Variants in OR14I1 observed in about 807,000 individuals in gnomAD.
OR14I1 encodes olfactory receptor 14I1.
For synonymous variants in OR14I1, 118 were observed against 71.1 expected (o/e 1.66, Z -3.32); for missense variants, 279 against 181.8 (o/e 1.53, Z -3.07).
At chr1:248,678,329 C>G (rs1156955348), downstream of OR14I1, among the ~76,000 whole-genome samples, 1 of 152,136 alleles carries the variant, frequency 6.6e-6, no homozygotes, top group Non-Finnish European at 1.5e-5. Flanking sequence ...ACTTTTATTT[C>G]AAAGACTCAT....
At chr1:248,691,724 G>A in the OR14I1 span, 1 of 152,352 alleles carries the variant, frequency 6.6e-6, no homozygotes, top group Admixed American at 6.5e-5. Flanking sequence ...AAGGGACTGT[G>A]GAGGCCGACG....
At chr1:248,680,617 A>G (rs1476710881), downstream of OR14I1, among the ~76,000 whole-genome samples, 1 of 152,222 alleles carries the variant, frequency 6.6e-6, no homozygotes, top group Non-Finnish European at 1.5e-5. Flanking sequence ...AATCACCAGC[A>G]GTGACCAAGA....
upstream of OR14I1, among the ~76,000 whole-genome samples, chr1:248,686,334 C>G (rs1661649978): frequency 6.6e-6 from 1 of 152,172 alleles, no homozygotes; most frequent in South Asian, 2.1e-4. Flanking sequence ...TGCTGCCCCA[C>G]CTCTGAGAGC....
chr1:248,679,261 T>TA (rs1661521178), downstream of OR14I1, among the ~76,000 whole-genome samples: 1 of 152,128 alleles, frequency 6.6e-6, no homozygotes, highest in Admixed American at 6.6e-5. Context: ...TCTGAATACT[T>TA]AAAGTTCAAC....
chr1:248,697,152 A>G, the OR14I1 span: 1 of 152,244 alleles, frequency 6.6e-6, no homozygotes, highest in East Asian at 1.9e-4. Context: ...CAGAACTCAA[A>G]TGGTGTGCAG....
the OR14I1 span, among the ~76,000 whole-genome samples, chr1:248,693,837 C>A: frequency 6.8e-6 from 1 of 147,978 alleles, no homozygotes; most frequent in African/African-American, 2.5e-5. Context: ...TAGCTAAGAA[C>A]AGTGCTATTA....
chr1:248,696,465 C>T, the OR14I1 span, among the ~76,000 whole-genome samples: 6 of 152,156 alleles, frequency 3.9e-5, no homozygotes, highest in South Asian at 2.1e-4. Flanking sequence ...TGAATGGAAG[C>T]GGGGAATCAG....
At chr1:248,695,228 CTT>C in the OR14I1 span, among the ~76,000 whole-genome samples, 695 of 96,508 alleles carry the variant, frequency 7.2e-3, 2 homozygotes, top group African/African-American at 0.03. Context: ...TGAATGTATG[CTT>C]TTTTTTTTTT....
the OR14I1 span, chr1:248,699,216 T>C: frequency 0.26 from 39,218 of 152,108 alleles, 7,935 homozygotes; most frequent in African/African-American, 0.57. Flanking sequence ...GCATAAAGTG[T>C]GTTAGGGTCA....
At chr1:248,685,465 T>A (rs1271710620), upstream of OR14I1, among the ~76,000 whole-genome samples, 1 of 152,092 alleles carries the variant, frequency 6.6e-6, no homozygotes, top group African/African-American at 2.4e-5. Flanking sequence ...TCCAGCAGAA[T>A]CAGCAGTGTA....
chr1:248,685,825 T>G (rs1489556916), upstream of OR14I1, among the ~76,000 whole-genome samples: 1 of 151,274 alleles, frequency 6.6e-6, no homozygotes, highest in Non-Finnish European at 1.5e-5. Context: ...GTATATATAG[T>G]TACTGTTTAT....
At chr1:248,682,104 C>T (rs1467300182) in exon 1 of OR14I1, 3 of 780,964 alleles carry the variant, frequency 3.8e-6, no homozygotes, top group Non-Finnish European at 4.8e-6. Context: ...AGCACAGATC[C>T]AAAACGGAGA....
chr1:248,690,126 G>C, the OR14I1 span, among the ~76,000 whole-genome samples: 1 of 152,120 alleles, frequency 6.6e-6, no homozygotes, highest in Non-Finnish European at 1.5e-5. Context: ...CAGAAAGCAG[G>C]AAAGATCTAA....
At chr1:248,687,739 C>A in the OR14I1 span, among the ~76,000 whole-genome samples, 1 of 152,178 alleles carries the variant, frequency 6.6e-6, no homozygotes, top group African/African-American at 2.4e-5. Flanking sequence ...GACATAGGAG[C>A]AAAGTAGAAA....
chr1:248,690,499 G>A, the OR14I1 span, among the ~76,000 whole-genome samples: 1 of 145,674 alleles, frequency 6.9e-6, no homozygotes, highest in East Asian at 2.1e-4. Context: ...TAAATTCCTG[G>A]ACACATACAC....
chr1:248,680,967 C>CGTGTGTGTGTGTGTGTGTGT (rs34495040), downstream of OR14I1, among the ~76,000 whole-genome samples: 6 of 147,108 alleles, frequency 4.1e-5, no homozygotes, highest in African/African-American at 1.5e-4. Flanking sequence ...AAACTGTGTG[C>CGTGTGTGTGTGTGTGTGTGT]GTGTGTGTGT....
chr1:248,683,637 T>C (rs1558190728), upstream of OR14I1, among the ~76,000 whole-genome samples: 1 of 152,256 alleles, frequency 6.6e-6, no homozygotes, highest in East Asian at 1.9e-4. Context: ...GTAGAACCTA[T>C]GTTTAATGAA....
chr1:248,678,260 G>A (rs867997848), downstream of OR14I1, among the ~76,000 whole-genome samples: 2 of 152,298 alleles, frequency 1.3e-5, no homozygotes, highest in Middle Eastern at 3.4e-3. Flanking sequence ...GTGTCCACAG[G>A]GGATGTTGTG....
the OR14I1 span, chr1:248,698,864 C>T: frequency 1.3e-5 from 2 of 152,254 alleles, no homozygotes; most frequent in East Asian, 1.9e-4. Context: ...TGCAGGTATT[C>T]GTGACGTAGC....
Sources: allele counts gnomAD v4.1 joint callset (sites outside exome capture counted in the v4.1 genomes callset), GRCh38; gene constraint gnomAD v4.1.1; transcripts MANE v1.5; gene names NCBI Gene and HGNC (gene_info 2026-07-23, HGNC 2026-07-21).